GPC6: variants seen among roughly 807,000 people sequenced by gnomAD.
GPC6 encodes the protein glypican 6, also known as glypican-6.
GPC6 carries 14 observed loss-of-function variants against 55.2 expected under a neutral mutation model. The ratio of observed to expected loss-of-function variants is 0.25; its 90% CI spans 0.17 to 0.40. The LOEUF is 0.40. GPC6 is among the 10% of genes least tolerant of loss of function. The pLI, the probability that GPC6 is intolerant of heterozygous loss-of-function variation, is 1.00. For synonymous variants in GPC6, 278 were observed against 259.6 expected, an observed-to-expected ratio of 1.07 and a Z score of -0.68; for missense variants, 641 against 708.5, an observed-to-expected ratio of 0.90 and a Z score of 1.08.
At chr13:93,966,786 G>A (rs1477871750) in intron 3 of GPC6, among the ~76,000 whole-genome samples, 1 of 150,988 alleles carries the variant, frequency 6.6e-6, no homozygotes, top group Non-Finnish European at 1.5e-5. Context: ...AAGTAGCTGG[G>A]ACTACAGTCA....
chr13:94,016,815 T>G (rs1435225055), intron 3 of GPC6, among the ~76,000 whole-genome samples: 1 of 152,112 alleles, frequency 6.6e-6, no homozygotes, highest in Non-Finnish European at 1.5e-5. Flanking sequence ...CAGGTATTTT[T>G]AAGATGCTAA....
chr13:93,416,181 C>T (rs1311694004), intron 1 of GPC6, among the ~76,000 whole-genome samples: 1 of 152,052 alleles, frequency 6.6e-6, no homozygotes, highest in Non-Finnish European at 1.5e-5. Flanking sequence ...GGTACTGTCT[C>T]CTTGCCTCTG....
At chr13:94,226,308 C>T (rs1338375437) in intron 4 of GPC6, among the ~76,000 whole-genome samples, 1 of 152,120 alleles carries the variant, frequency 6.6e-6, no homozygotes, top group Non-Finnish European at 1.5e-5. Flanking sequence ...AGAGATTGGT[C>T]AGCGGGCCCA....
intron 1 of GPC6, among the ~76,000 whole-genome samples, chr13:93,479,153 T>C (rs903383384): frequency 1.3e-5 from 2 of 152,180 alleles, no homozygotes; most frequent in Non-Finnish European, 2.9e-5. Flanking sequence ...TGGAATAGAA[T>C]TATGTCTTGG....
At chr13:94,233,272 AAAC>A (rs949771317) in intron 4 of GPC6, among the ~76,000 whole-genome samples, 1 of 152,052 alleles carries the variant, frequency 6.6e-6, no homozygotes, top group Non-Finnish European at 1.5e-5. Context: ...AAAAACAAAC[AAAC>A]AACAATAACA....
intron 6 of GPC6, among the ~76,000 whole-genome samples, chr13:94,350,089 GTGTT>G (rs1158634845): frequency 3.3e-5 from 5 of 151,892 alleles, no homozygotes; most frequent in Admixed American, 2.0e-4. Flanking sequence ...GTGTGTGTGT[GTGTT>G]TATGTGTGCA....
intron 2 of GPC6, among the ~76,000 whole-genome samples, chr13:93,651,910 T>A (rs1206570128): frequency 6.6e-6 from 1 of 152,178 alleles, no homozygotes; most frequent in Non-Finnish European, 1.5e-5. Flanking sequence ...ATAGGGCCTG[T>A]ACATCGGTAT....
intron 3 of GPC6, among the ~76,000 whole-genome samples, chr13:94,010,413 A>C (rs1192827004): frequency 6.6e-6 from 1 of 152,196 alleles, no homozygotes; most frequent in Non-Finnish European, 1.5e-5. Flanking sequence ...CTCTATTAAC[A>C]AAGTGGTATT....
intron 1 of GPC6, among the ~76,000 whole-genome samples, chr13:93,436,588 C>A (rs1317198993): frequency 6.6e-6 from 1 of 152,010 alleles, no homozygotes; most frequent in Non-Finnish European, 1.5e-5. Flanking sequence ...CTTCTGCTTG[C>A]CCATTTAAAA....
At chr13:93,891,333 G>T (rs376723450) in intron 3 of GPC6, among the ~76,000 whole-genome samples, 1 of 152,132 alleles carries the variant, frequency 6.6e-6, no homozygotes, top group Non-Finnish European at 1.5e-5. Context: ...CGTAGGTGAG[G>T]TTGCTTTGTT....
chr13:93,353,683 G>A (rs962603769), intron 1 of GPC6, among the ~76,000 whole-genome samples: 1 of 152,198 alleles, frequency 6.6e-6, no homozygotes, highest in Non-Finnish European at 1.5e-5. Flanking sequence ...TTTTCAGCAC[G>A]TGAGGCTGTC....
intron 4 of GPC6, among the ~76,000 whole-genome samples, chr13:94,146,896 G>A (rs140392248): frequency 2.1e-4 from 32 of 152,230 alleles, no homozygotes; most frequent in Non-Finnish European, 4.0e-4. Context: ...GCTGAATAAA[G>A]AAATAGGTTT....
intron 1 of GPC6, among the ~76,000 whole-genome samples, chr13:93,274,091 G>T (rs921744293): frequency 2.0e-4 from 31 of 152,186 alleles, no homozygotes; most frequent in Non-Finnish European, 1.0e-4. Context: ...CCTGCACCTG[G>T]CTGATTGCCT....
intron 4 of GPC6, among the ~76,000 whole-genome samples, chr13:94,082,115 A>G (rs1474882161): frequency 6.6e-6 from 1 of 152,118 alleles, no homozygotes; most frequent in Non-Finnish European, 1.5e-5. Context: ...TGCTGGGACT[A>G]TAGGCATGAG....
chr13:93,944,685 G>A (rs1000605377), intron 3 of GPC6, among the ~76,000 whole-genome samples: 8 of 152,114 alleles, frequency 5.3e-5, no homozygotes, highest in African/African-American at 1.9e-4. Flanking sequence ...ATATTTCAAG[G>A]AATTTGTTAG....
At chr13:93,648,218 A>G (rs1257985793) in intron 2 of GPC6, among the ~76,000 whole-genome samples, 2 of 152,164 alleles carry the variant, frequency 1.3e-5, no homozygotes, top group African/African-American at 4.8e-5. Context: ...CATAATTTTT[A>G]ACAATCTACA....
At chr13:94,395,258 T>C (rs1406481587) in intron 7 of GPC6, among the ~76,000 whole-genome samples, 1 of 152,216 alleles carries the variant, frequency 6.6e-6, no homozygotes, top group African/African-American at 2.4e-5. Context: ...AGGAATTTAT[T>C]TGCATATGAG....
At chr13:94,165,492 G>T (rs1039612086) in intron 4 of GPC6, among the ~76,000 whole-genome samples, 1 of 151,756 alleles carries the variant, frequency 6.6e-6, no homozygotes, top group African/African-American at 2.4e-5. Context: ...GGGACTCAGG[G>T]GAAATGGTGG....
At chr13:93,477,836 AGAGT>A (rs1280592618) in intron 1 of GPC6, among the ~76,000 whole-genome samples, 1 of 152,224 alleles carries the variant, frequency 6.6e-6, no homozygotes, top group African/African-American at 2.4e-5. Context: ...TCTTATGTGC[AGAGT>A]GAGTACAGAC....
Sources: allele counts gnomAD v4.1 joint callset (sites outside exome capture counted in the v4.1 genomes callset), GRCh38; gene constraint gnomAD v4.1.1; transcripts MANE v1.5; gene names NCBI Gene and HGNC (gene_info 2026-07-23, HGNC 2026-07-21).